NPL: variants seen among roughly 807,000 people sequenced by gnomAD.
The protein encoded by NPL is N-acetylneuraminate lyase.
NPL carries 32 observed loss-of-function variants against 41.1 expected under a neutral mutation model. The observed-to-expected ratio is 0.78, with a 90% CI of 0.59 to 1.05. The LOEUF (loss-of-function observed/expected upper bound fraction) is 1.05. Among genes scored for constraint, NPL ranks in the 50% least tolerant of loss-of-function variants. NPL has a pLI of 0.00. For synonymous variants in NPL, 128 were observed against 134.9 expected, an observed-to-expected ratio of 0.95 and a Z score of 0.35; for missense variants, 321 against 378.4, an observed-to-expected ratio of 0.85 and a Z score of 1.26.
Position 182,822,176 on chromosome 1 carries a change from T to G in NPL, c.715T>G (p.Phe239Val), listed in dbSNP as rs1172908852. ...QMLEAFEQKD[F>V]SLALNYQFCI... ...GTTGGAGGCTTTTGAACAAAAGGACTTCTCTTTAGCCCTGAACTATCAGGT... is the reference window on the plus strand; with the variant it reads ...GTTGGAGGCTTTTGAACAAAAGGACGTCTCTTTAGCCCTGAACTATCAGGT... The change falls in exon 11 of 13, where the codon TTC becomes GTC. Residue 239 changes from phenylalanine to valine, a missense_variant. Transcript: ENST00000367553. The G allele has an allele frequency of 6.2e-7, 1 of 1,612,970 alleles. No homozygotes were observed. Among genetic ancestry groups the G allele is most frequent in the African/African-American group, 1.3e-5 (1 of 75,022 alleles).
At chr1:182,826,027 T>C (rs908586051) in intron 12 of NPL, 8 of 623,730 alleles carry the variant, frequency 1.3e-5, no homozygotes, top group African/African-American at 9.2e-5. Flanking sequence ...TTCTCCATTT[T>C]AGCACATGCC....
chr1:182,794,504 T>C (rs1319907706), intron 3 of NPL, 65 bp downstream of exon 3: 10 of 1,501,318 alleles, frequency 6.7e-6, no homozygotes, highest in Middle Eastern at 1.7e-4. Flanking sequence ...AGAAGTTCTT[T>C]GTAACAACAG....
chr1:182,801,536 G>A (rs951872037), intron 3 of NPL, among the ~76,000 whole-genome samples: 4 of 152,196 alleles, frequency 2.6e-5, no homozygotes, highest in Admixed American at 2.6e-4. Flanking sequence ...GAATAGGACA[G>A]AGCAAACAGT....
chr1:182,812,160 G>A lies in NPL; in HGVS notation c.235G>A (p.Asp79Asn), dbSNP rs764307290. The A allele has an allele frequency of 4.3e-6, 7 of 1,613,850 alleles. No individual in the cohort carries two copies. The African/African-American group carries it at 9.3e-5, about 22-fold the overall frequency. ...EWVTKGKDKL[D>N]QVIIHVGALS... is the part of the protein sequence containing the mutation. ...GCAGTGTTTTTTCTTTTGCAGGCTG[G>A]ATCAGGTGATAATTCACGTAGGAGC... Residue 79 changes from aspartate (D) to asparagine (N), a missense_variant, in exon 6 of 13, where the codon GAT (aspartate) becomes AAT (asparagine). Asp to Asn is a conservative substitution (Grantham distance 23, BLOSUM62 1). Transcript: ENST00000367553.
At chr1:182,819,274 T>A (rs1273866201) in intron 10 of NPL, among the ~76,000 whole-genome samples, 1 of 151,980 alleles carries the variant, frequency 6.6e-6, no homozygotes. Flanking sequence ...GGTGAAACCC[T>A]GTCTCTACTA....
At chr1:182,806,938 A>G (rs769252859) in intron 5 of NPL, among the ~76,000 whole-genome samples, 10 of 152,122 alleles carry the variant, frequency 6.6e-5, no homozygotes, top group Non-Finnish European at 1.5e-4. Context: ...TCCGGGGTTC[A>G]AGCAATTCCC....
chr1:182,812,229 C>T lies in NPL; in HGVS notation c.288+16C>T. On this transcript the variant is annotated intron_variant, in intron 6 of 12. Transcript: ENST00000367553. Reference sequence around the variant, plus strand: ...ACAGGAACTGGTATGTATGCAGTTCCATCTGGGAGAGACCATTCAAGGGGC... The same window carrying T: ...ACAGGAACTGGTATGTATGCAGTTCTATCTGGGAGAGACCATTCAAGGGGC... 6.2e-7 allele frequency: 1 copy of T among 1,611,226 alleles called. No individual in the cohort carries two copies. Among genetic ancestry groups the T allele is most frequent in the Non-Finnish European group, 8.5e-7 (1 of 1,177,428 alleles).
chr1:182,808,188 T>A (rs1667076928), intron 5 of NPL, among the ~76,000 whole-genome samples: 1 of 152,204 alleles, frequency 6.6e-6, no homozygotes, highest in Non-Finnish European at 1.5e-5. Context: ...GTAGTGAGGA[T>A]TAGAAAAGTG....
chr1:182,800,921 G>A (rs1408437861), intron 3 of NPL, among the ~76,000 whole-genome samples: 3 of 151,760 alleles, frequency 2.0e-5, no homozygotes, highest in Non-Finnish European at 4.4e-5. Flanking sequence ...GTAGAGACGG[G>A]ATTTCACCAT....
At chr1:182,815,710 A>C (rs6703946) in intron 7 of NPL, among the ~76,000 whole-genome samples, 35,560 of 151,966 alleles carry the variant, frequency 0.23, 7,410 homozygotes, top group African/African-American at 0.56. Flanking sequence ...CTCAAGCAAC[A>C]CTCCTCCATT....
At chr1:182,790,721 G>T (rs1034733328) in intron 1 of NPL, among the ~76,000 whole-genome samples, 5 of 152,118 alleles carry the variant, frequency 3.3e-5, no homozygotes, top group African/African-American at 1.2e-4. Context: ...TCGGCTCACT[G>T]CAAGCTCCAC....
intron 3 of NPL, among the ~76,000 whole-genome samples, chr1:182,802,045 T>C (rs955390418): frequency 2.0e-4 from 30 of 152,228 alleles, no homozygotes; most frequent in Non-Finnish European, 1.2e-4. Flanking sequence ...TAGTGAAATT[T>C]CAAAATATTA....
intron 3 of NPL, among the ~76,000 whole-genome samples, chr1:182,801,839 A>G (rs556471628): frequency 6.6e-6 from 1 of 152,230 alleles, no homozygotes; most frequent in Admixed American, 6.5e-5. Flanking sequence ...CTTGTCTCCA[A>G]AAAAACAAAA....
intron 12 of NPL, chr1:182,826,574 C>T (rs1667636073): frequency 6.6e-6 from 1 of 152,294 alleles, no homozygotes; most frequent in African/African-American, 2.4e-5. Context: ...GTTCTCAACC[C>T]ACTCTCTTAC....
chr1:182,815,363 A>T (rs1487528613), intron 7 of NPL, among the ~76,000 whole-genome samples: 1 of 152,200 alleles, frequency 6.6e-6, no homozygotes, highest in African/African-American at 2.4e-5. Context: ...ATGGTGTCTA[A>T]GTATACCAAG....
chr1:182,816,664 C>A, intron 7 of NPL, 50 bp from the exon 8 acceptor site: 1 of 1,294,068 alleles, frequency 7.7e-7, no homozygotes, highest in Non-Finnish European at 1.1e-6. Flanking sequence ...ACCAGGAAAG[C>A]CACTGTTTTA....
At position 182,820,447 on chromosome 1, in the gene NPL, G is replaced by C. The variant is rs372100426; in HGVS notation, c.653+1588G>C. 4.6e-5 allele frequency among the ~76,000 whole-genome samples: 7 copies of C among 152,308 alleles called. No homozygotes were observed. The East Asian group carries it at 9.6e-4, about 21-fold the overall frequency. ...GCCTATGACAGCCATTGTAACTTCA[G>C]GGGTATTTCTACTGAGGAAATTTGA... On this transcript the variant is annotated intron_variant, in intron 10 of 12. Transcript: ENST00000367553.
Position 182,829,448 on chromosome 1 carries a change from T to A in NPL, c.*540T>A. On this transcript the variant is annotated 3_prime_UTR_variant, in exon 13 of 13. Coordinates refer to ENST00000367553, the MANE Select transcript of NPL (RefSeq NM_030769.3). ...TAACTCTAGAATGGATGCTTTTGAA[T>A]TCATTTCGATGTCACCACTTTTCGC... 7.0e-7 allele frequency: 1 copy of A among 1,434,074 alleles called. No homozygotes were observed. Among genetic ancestry groups the A allele is most frequent in the Non-Finnish European group, 9.1e-7 (1 of 1,093,336 alleles). 88.8% of individuals were successfully genotyped at this position (1,434,074 alleles called of 1,614,324 possible).
chr1:182,797,782 A>G (rs929300736), intron 3 of NPL, among the ~76,000 whole-genome samples: 1 of 151,862 alleles, frequency 6.6e-6, no homozygotes, highest in Admixed American at 6.5e-5. Context: ...TATTACAATA[A>G]CTTTTTGTTA....
Sources: allele counts gnomAD v4.1 joint callset (sites outside exome capture counted in the v4.1 genomes callset), GRCh38; gene constraint gnomAD v4.1.1; transcripts MANE v1.5; gene names NCBI Gene and HGNC (gene_info 2026-07-23, HGNC 2026-07-21).